Variants in CNMD observed in about 807,000 individuals in gnomAD.
CNMD encodes leukocyte cell-derived chemotaxin 1.
CNMD carries 30 observed loss-of-function variants against 37.5 expected under a neutral mutation model. The observed-to-expected ratio is 0.80, with a 90% confidence interval of 0.60 to 1.09. CNMD has a LOEUF of 1.09. Ranked by LOEUF, CNMD falls within the 50% of genes least tolerant of loss-of-function variation. CNMD has a pLI of 0.00. For missense variants in CNMD, 398 were observed against 423.9 expected, an observed-to-expected ratio of 0.94 and a Z score of 0.54; for synonymous variants, 167 against 148.2, an observed-to-expected ratio of 1.13 and a Z score of -0.92.
In CNMD at chr13:52,739,401, G is replaced by A; in HGVS notation, c.72+229C>T. 1 of 666,058 alleles carries A rather than the reference G, an allele frequency of 1.5e-6. No homozygotes were observed. The highest frequency in any genetic ancestry group is 2.5e-6 in the Non-Finnish European group (1 of 394,658). 41.3% of individuals were successfully genotyped at this position (666,058 alleles called of 1,614,324 possible). A position where few individuals can be genotyped will look rare whatever the true frequency, so the allele number is the denominator to read the frequency against. Reference sequence around the variant, plus strand: ...CCCGCAGCACAGGGCCTTCGCCCCAGGACCTGCACCCTCTACCGGCCACGG... The same window carrying A: ...CCCGCAGCACAGGGCCTTCGCCCCAAGACCTGCACCCTCTACCGGCCACGG... On this transcript the variant is annotated intron_variant, in intron 1 of 6. Coordinates refer to ENST00000377962, the MANE Select transcript of CNMD (RefSeq NM_007015.3). The surrounding 1 kb of genome is among the most constrained non-coding windows in gnomAD (Gnocchi z 5.4).
In CNMD at chr13:52,703,487, G is replaced by T. The variant is rs1329701263; in HGVS notation, c.*108C>A. Reference sequence around the variant, plus strand: ...AGTGTCAAGAATAACCGCTCAGGTTGAGTGTAAAAATATTTTGTGGTCCTA... The same window carrying T: ...AGTGTCAAGAATAACCGCTCAGGTTTAGTGTAAAAATATTTTGTGGTCCTA... On this transcript the variant is annotated 3_prime_UTR_variant, in exon 7 of 7. Coordinates refer to ENST00000377962, the MANE Select transcript of CNMD (RefSeq NM_007015.3). The T allele has an allele frequency of 1.1e-5, 8 of 715,686 alleles. No homozygotes were observed. In the East Asian group the frequency reaches 1.8e-4, roughly 16 times the overall value. 44.3% of individuals were successfully genotyped at this position (715,686 alleles called of 1,614,324 possible).
chr13:52,703,759 T>G lies in CNMD; in HGVS notation c.841A>C (p.Ile281Leu), dbSNP rs141537487. 2.5e-4 allele frequency: 410 copies of G among 1,614,058 alleles called. No individual in the cohort carries two copies. The highest frequency in any genetic ancestry group is 3.2e-4 in the Non-Finnish European group (377 of 1,180,004). The change falls in exon 7 of 7, where the codon ATC becomes CTC. Residue 281 changes from isoleucine to leucine, a missense_variant. Physicochemically the swap from Ile to Leu is conservative, Grantham distance 5. Coordinates refer to ENST00000377962, the MANE Select transcript of CNMD (RefSeq NM_007015.3). ...CTCCGCCTACATTCTATACAACAGA[T>G]TCCTTCGTGATCCAGTCTAGGGTCG... is the stretch of plus-strand genomic sequence containing the variant. ...TFDPRLDHEG[I>L]CCIECRRSYT... is the part of the protein sequence containing the mutation.
chr13:52,727,279 A>T (rs1167064637), intron 3 of CNMD, among the ~76,000 whole-genome samples: 1 of 152,184 alleles, frequency 6.6e-6, no homozygotes, highest in Non-Finnish European at 1.5e-5. Flanking sequence ...AAATAAAAAA[A>T]AATGATTCAA....
chr13:52,723,011 G>A (rs1964508225), intron 4 of CNMD, among the ~76,000 whole-genome samples: 1 of 152,214 alleles, frequency 6.6e-6, no homozygotes, highest in African/African-American at 2.4e-5. Context: ...TCCAGCAGAG[G>A]CTGTGTGATC....
At chr13:52,734,652 T>G (rs1594291010) in intron 2 of CNMD, among the ~76,000 whole-genome samples, 1 of 151,890 alleles carries the variant, frequency 6.6e-6, no homozygotes, top group East Asian at 1.9e-4. Context: ...AAATTATAGA[T>G]TATATATACA....
Position 52,712,748 on chromosome 13 carries a change from G to A in CNMD, c.590C>T (p.Pro197Leu), listed in dbSNP as rs776219123. ...ATAGGTTGGTTTAAGCCAGAAAATA[G>A]GAAGGTCACCGCAGAGTTCTAACAC... ...SKVLELCGDLPIFWLKPTYPK... is the reference protein window; with the variant it reads ...SKVLELCGDLLIFWLKPTYPK... Residue 197 changes from proline to leucine, a missense_variant, in exon 5 of 7, where the codon CCT (proline) becomes CTT (leucine). Coordinates refer to ENST00000377962, the MANE Select transcript of CNMD (RefSeq NM_007015.3). The A allele has an allele frequency of 1.3e-6, 2 of 1,533,910 alleles. No homozygotes were observed. Among genetic ancestry groups the A allele is most frequent in the South Asian group, 2.7e-5 (2 of 74,990 alleles).
Position 52,739,664 on chromosome 13 carries a change from A to G in CNMD, c.38T>C (p.Val13Ala). The G allele has an allele frequency of 6.2e-7, 1 of 1,614,134 alleles. No homozygotes were observed. The part of the protein sequence containing the change: ...ENSDKVPIAL[V>A]GPDDVEFCSP... ...GCAGAATTCCACGTCATCAGGTCCC[A>G]CCAGGGCAATGGGAACTTTGTCGGA... Residue 13 changes from valine to alanine, a missense_variant, in exon 1 of 7, where the codon GTG (valine) becomes GCG (alanine). Physicochemically the swap from Val to Ala is moderately conservative, Grantham distance 64. Transcript: ENST00000377962. This position sits in a 1 kb window ranked among gnomAD's most constrained non-coding sequence, Gnocchi z 5.4.
Position 52,703,696 on chromosome 13 carries a change from C to G in CNMD, c.904G>C (p.Gly302Arg), listed in dbSNP as rs1192680492. The change falls in exon 7 of 7, where the codon GGC becomes CGC. Residue 302 changes from glycine to arginine, a missense_variant. Physicochemically the swap from Gly to Arg is moderately radical, Grantham distance 125 (BLOSUM62 -2). Coordinates refer to ENST00000377962, the MANE Select transcript of CNMD (RefSeq NM_007015.3). ...TAATTATAAGGCCATGGGTAATAGC[C>G]CCCCAGGGGTTCACAGATCTTCTGG... is the stretch of plus-strand genomic sequence containing the variant. ...HCQKICEPLG[G>R]YYPWPYNYQG... 1.9e-6 allele frequency: 3 copies of G among 1,613,994 alleles called. No homozygotes were observed. The highest frequency in any genetic ancestry group is 1.1e-5 in the South Asian group (1 of 91,076).
At chr13:52,706,465 C>A (rs1157836979) in intron 6 of CNMD, among the ~76,000 whole-genome samples, 1 of 152,180 alleles carries the variant, frequency 6.6e-6, no homozygotes, top group East Asian at 1.9e-4. Flanking sequence ...AGAGCTCCAC[C>A]TGCATTACCT....
intron 3 of CNMD, among the ~76,000 whole-genome samples, 177 bp from the exon 4 acceptor site, chr13:52,724,287 C>T (rs916828019): frequency 3.3e-5 from 5 of 151,942 alleles, no homozygotes; most frequent in East Asian, 3.9e-4. Flanking sequence ...AAAAAACAGC[C>T]GGGCGGCCTG....
At position 52,703,504 on chromosome 13, in the gene CNMD, G is replaced by A. The variant is rs9536243; in HGVS notation, c.*91C>T. On this transcript the variant is annotated 3_prime_UTR_variant, in exon 7 of 7. Transcript: ENST00000377962. ...CTCAGGTTGAGTGTAAAAATATTTT[G>A]TGGTCCTATCAGCATCAACCTGCCT... 0.95 allele frequency: 769,362 copies of A among 811,546 alleles called. 364,848 individuals carry two copies. Among genetic ancestry groups the A allele is most frequent in the East Asian group, 0.99 (39,832 of 40,146 alleles). The allele number at this position is 811,546 out of a possible 1,614,324, so 50.3% of individuals were successfully genotyped here. A position where few individuals can be genotyped will look rare whatever the true frequency, so the allele number is the denominator to read the frequency against.
At chr13:52,734,550 G>A (rs1202516187) in intron 2 of CNMD, among the ~76,000 whole-genome samples, 1 of 151,978 alleles carries the variant, frequency 6.6e-6, no homozygotes, top group Non-Finnish European at 1.5e-5. Flanking sequence ...TTTCTGTGTG[G>A]CAGAGCTAGG....
Position 52,739,332 on chromosome 13 carries a change from C to G in CNMD, c.73-161G>C. 1.2e-6 allele frequency: 1 copy of G among 866,236 alleles called. No individual in the cohort carries two copies. 53.7% of individuals were successfully genotyped at this position (866,236 alleles called of 1,614,324 possible). ...GGTGCCCCTTTCGCCGCGCTCCCTC[C>G]CGAGGGTCCTTTGCAGTCGGGCGTG... On this transcript the variant is annotated intron_variant, in intron 1 of 6. Transcript: ENST00000377962. This position sits in a 1 kb window ranked among gnomAD's most constrained non-coding sequence, Gnocchi z 5.4.
At chr13:52,726,313 G>C (rs1462302401) in intron 3 of CNMD, among the ~76,000 whole-genome samples, 1 of 152,160 alleles carries the variant, frequency 6.6e-6, no homozygotes, top group African/African-American at 2.4e-5. Flanking sequence ...GAAAGAGAAA[G>C]GTGTTCAAGG....
chr13:52,721,481 A>G (rs1964480865), intron 4 of CNMD, among the ~76,000 whole-genome samples: 1 of 152,226 alleles, frequency 6.6e-6, no homozygotes, highest in Admixed American at 6.5e-5. Flanking sequence ...AAAGCATAGT[A>G]TCTGGGCTGG....
At chr13:52,736,876 T>G (rs544991239) in intron 2 of CNMD, among the ~76,000 whole-genome samples, 9 of 152,276 alleles carry the variant, frequency 5.9e-5, no homozygotes, top group Admixed American at 2.6e-4. Context: ...TGGTGGAAAT[T>G]TCCCATATTT....
chr13:52,734,829 G>T (rs1964728763), intron 2 of CNMD, among the ~76,000 whole-genome samples: 1 of 152,080 alleles, frequency 6.6e-6, no homozygotes, highest in South Asian at 2.1e-4. Flanking sequence ...ACTGGAAAAA[G>T]GATCTGTTAT....
intron 4 of CNMD, among the ~76,000 whole-genome samples, chr13:52,715,987 A>G (rs1441804254): frequency 6.6e-6 from 1 of 152,172 alleles, no homozygotes; most frequent in Non-Finnish European, 1.5e-5. Flanking sequence ...AAGCATTCCT[A>G]TTCCTCCACA....
At chr13:52,709,926 T>C (rs1246203827) in intron 5 of CNMD, among the ~76,000 whole-genome samples, 1 of 152,164 alleles carries the variant, frequency 6.6e-6, no homozygotes. Context: ...TGAGCCGAGA[T>C]TGCATCATTG....
Sources: gnomAD v4.1 joint callset for allele counts (sites outside exome capture counted in the v4.1 genomes callset) on GRCh38, gnomAD v4.1.1 for gene constraint, Gnocchi (gnomAD v3.1) non-coding constraint, MANE v1.5 for transcripts, NCBI Gene and HGNC (gene_info 2026-07-23, HGNC 2026-07-21) for gene names.